The following SUMF1 variants were observed in gnomAD, a reference collection of about 807,000 sequenced individuals.
The protein encoded by SUMF1 is formylglycine-generating enzyme.
A neutral mutation model predicts 47.6 loss-of-function variants in SUMF1; 48 were observed. That is an observed-to-expected ratio of 1.01 (90% CI 0.80 to 1.28). The LOEUF is 1.28. Ranked by LOEUF, SUMF1 falls within the 50% of genes most tolerant of loss-of-function variation. SUMF1 has a pLI of 0.00. For missense variants in SUMF1, 571 were observed against 485.4 expected (o/e 1.18, Z -1.66); for synonymous variants, 230 against 192.1 (o/e 1.20, Z -1.63).
intron 8 of SUMF1, among the ~76,000 whole-genome samples, chr3:4,182,982 T>G (rs1695127731): frequency 6.6e-6 from 1 of 152,158 alleles, no homozygotes; most frequent in African/African-American, 2.4e-5. Flanking sequence ...GGGGCCCCAG[T>G]AGACACTGAG....
At chr3:4,320,254 G>A (rs532545722) in intron 8 of SUMF1, among the ~76,000 whole-genome samples, 1 of 152,166 alleles carries the variant, frequency 6.6e-6, no homozygotes, top group African/African-American at 2.4e-5. Flanking sequence ...AGGGGTGAAA[G>A]GTGCTGATCT....
At chr3:4,409,361 A>T (rs1315381620) in intron 7 of SUMF1, among the ~76,000 whole-genome samples, 1 of 152,196 alleles carries the variant, frequency 6.6e-6, no homozygotes, top group Non-Finnish European at 1.5e-5. Context: ...TCATTAGAGC[A>T]AGGGCAACAT....
chr3:4,267,848 A>G (rs1208670269), intron 8 of SUMF1, among the ~76,000 whole-genome samples: 4 of 149,300 alleles, frequency 2.7e-5, no homozygotes, highest in Non-Finnish European at 4.4e-5. Context: ...GGGATCTAGA[A>G]CTAGAAATAC....
chr3:4,295,599 C>T (rs1031526052), intron 8 of SUMF1, among the ~76,000 whole-genome samples: 1 of 152,072 alleles, frequency 6.6e-6, no homozygotes, highest in East Asian at 1.9e-4. Flanking sequence ...CAAGTCTGCT[C>T]TCATAGCCTT....
intron 3 of SUMF1, among the ~76,000 whole-genome samples, chr3:4,433,202 A>C (rs548177781): frequency 9.8e-5 from 15 of 152,340 alleles, no homozygotes; most frequent in African/African-American, 3.6e-4. Flanking sequence ...AGGGAACATC[A>C]GAATCATTGT....
intron 8 of SUMF1, among the ~76,000 whole-genome samples, chr3:4,171,692 A>C (rs939906410): frequency 6.6e-6 from 1 of 152,158 alleles, no homozygotes; most frequent in African/African-American, 2.4e-5. Flanking sequence ...AGCAAGTTTT[A>C]AAGAATGACT....
At chr3:4,160,702 T>G (rs888560502) in intron 8 of SUMF1, among the ~76,000 whole-genome samples, 1 of 152,090 alleles carries the variant, frequency 6.6e-6, no homozygotes, top group Non-Finnish European at 1.5e-5. Context: ...TAAATTTATC[T>G]GATAGGATTC....
rs953375513 is a variant in SUMF1 at position 4,117,349 on chromosome 3, G to GA, written c.1015-48605dup. Among the ~76,000 whole-genome samples, 11 of 150,728 alleles carry GA rather than the reference G, an allele frequency of 7.3e-5. No homozygotes were observed. The South Asian group carries it at 1.1e-3, about 14-fold the overall frequency. ...GTTACAGAATACAACAAGTGTAAAGGAAAAAAAAATCTCATGGGACAAAAT... is the reference window on the plus strand; with the variant it reads ...GTTACAGAATACAACAAGTGTAAAGGAAAAAAAAAATCTCATGGGACAAAAT... On this transcript the variant is annotated intron_variant and NMD_transcript_variant, in intron 8 of 12. Transcript: ENST00000448413.
chr3:4,444,261 C>T (rs753264214), intron 3 of SUMF1, among the ~76,000 whole-genome samples: 1 of 152,096 alleles, frequency 6.6e-6, no homozygotes, highest in Non-Finnish European at 1.5e-5. Context: ...AAACTGTTAT[C>T]AACGGGCAAA....
intron 1 of SUMF1, among the ~76,000 whole-genome samples, chr3:4,455,172 T>C (rs1411100775): frequency 8.5e-5 from 13 of 152,232 alleles, no homozygotes; most frequent in Admixed American, 5.9e-4. Flanking sequence ...TTCAAATCAT[T>C]TGAGTGAGCC....
intron 8 of SUMF1, among the ~76,000 whole-genome samples, chr3:4,222,602 C>G (rs369073263): frequency 6.6e-6 from 1 of 152,036 alleles, no homozygotes; most frequent in Admixed American, 6.6e-5. Flanking sequence ...ACCCGGAGGG[C>G]CTGTCATCAT....
intron 8 of SUMF1, among the ~76,000 whole-genome samples, chr3:4,239,188 T>G (rs1335251514): frequency 6.6e-6 from 1 of 152,192 alleles, no homozygotes; most frequent in Non-Finnish European, 1.5e-5. Context: ...CCTTTTAATA[T>G]AGTTTGAAGC....
At chr3:4,167,385 C>T (rs1694732307) in intron 8 of SUMF1, among the ~76,000 whole-genome samples, 1 of 152,114 alleles carries the variant, frequency 6.6e-6, no homozygotes, top group African/African-American at 2.4e-5. Flanking sequence ...TACTCTTAGA[C>T]TCCTGCTGAA....
chr3:4,466,611 G>A (rs929178861), intron 1 of SUMF1, among the ~76,000 whole-genome samples: 1 of 152,080 alleles, frequency 6.6e-6, no homozygotes, highest in African/African-American at 2.4e-5. Flanking sequence ...CAACAACCCT[G>A]GTGAAGATAC....
chr3:4,235,691 C>T (rs1228729870), intron 8 of SUMF1, among the ~76,000 whole-genome samples: 1 of 152,046 alleles, frequency 6.6e-6, no homozygotes, highest in Admixed American at 6.6e-5. Flanking sequence ...CCTAGAGAAC[C>T]TCATGCCCTC....
At chr3:4,386,771 A>G (rs1166698712) in intron 7 of SUMF1, among the ~76,000 whole-genome samples, 1 of 152,018 alleles carries the variant, frequency 6.6e-6, no homozygotes, top group African/African-American at 2.4e-5. Context: ...AAGTTTGAGA[A>G]AATCTTTGTA....
In SUMF1 at chr3:4,052,182, C is replaced by T. The variant is rs148877503; in HGVS notation, c.1191+16387G>A. 3.9e-3 allele frequency among the ~76,000 whole-genome samples: 597 copies of T among 152,190 alleles called. 7 individuals are homozygous for T. Among genetic ancestry groups the T allele is most frequent in the African/African-American group, 0.013 (542 of 41,544 alleles). On this transcript the variant is annotated intron_variant and NMD_transcript_variant, in intron 9 of 12. Coordinates refer to the SUMF1 transcript ENST00000448413. ...CCTGTTTCCAAGGTCACAGATGGCACCTTCTCAATGTGTCTCCACATGATG... is the reference window on the plus strand; with the variant it reads ...CCTGTTTCCAAGGTCACAGATGGCATCTTCTCAATGTGTCTCCACATGATG...
intron 9 of SUMF1, among the ~76,000 whole-genome samples, chr3:4,067,973 T>C (rs577440938): frequency 6.6e-6 from 1 of 152,218 alleles, no homozygotes; most frequent in South Asian, 2.1e-4. Context: ...AAAGCAAAAA[T>C]ATCTTGCCTG....
intron 8 of SUMF1, among the ~76,000 whole-genome samples, chr3:4,133,872 C>T (rs1693852632): frequency 1.3e-5 from 2 of 152,030 alleles, no homozygotes; most frequent in Non-Finnish European, 2.9e-5. Context: ...GTGTCTACTG[C>T]TAAAGTGGGG....
Sources: gnomAD v4.1 joint callset for allele counts (sites outside exome capture counted in the v4.1 genomes callset) on GRCh38, gnomAD v4.1.1 for gene constraint, MANE v1.5 for transcripts, NCBI Gene and HGNC (gene_info 2026-07-23, HGNC 2026-07-21) for gene names.